The following GCAT variants were observed in gnomAD, a reference collection of about 807,000 sequenced individuals.
GCAT encodes 2-amino-3-ketobutyrate coenzyme A ligase, mitochondrial.
GCAT carries 26 observed loss-of-function variants against 39.7 expected under a neutral mutation model. The observed-to-expected ratio is 0.65, with a 90% CI of 0.48 to 0.91. The LOEUF (loss-of-function observed/expected upper bound fraction) is 0.91, where lower values mean the gene tolerates loss of function less well. Ranked by LOEUF, GCAT falls within the 40% of genes least tolerant of loss-of-function variation. GCAT has a pLI of 0.00. For missense variants in GCAT, 550 were observed against 576.2 expected (o/e 0.95, Z 0.47); for synonymous variants, 218 against 237.2 (o/e 0.92, Z 0.74).
At chr22:37,817,020 C>G (rs1036118497), downstream of GCAT, 1 of 301,566 alleles carries the variant, frequency 3.3e-6, no homozygotes, top group African/African-American at 2.1e-5. Context: ...GACCTCTTTC[C>G]CTAGATTAAG....
intron 7 of GCAT, 139 bp from the exon 8 acceptor site, chr22:37,816,061 C>A (rs739269): frequency 8.9e-7 from 1 of 1,129,490 alleles, no homozygotes; most frequent in Non-Finnish European, 1.2e-6. Flanking sequence ...CCTGGCTCCC[C>A]TCTGCCTCTT....
At chr22:37,813,310 CG>C in intron 3 of GCAT, 152 bp from the exon 4 acceptor site, 2 of 844,114 alleles carry the variant, frequency 2.4e-6, no homozygotes, top group Non-Finnish European at 4.0e-6. Context: ...CACTGAGACA[CG>C]GGGGCCCCAG....
At chr22:37,808,186 G>T (rs1286742401) in intron 1 of GCAT, 23 bp downstream of exon 1, 1 of 1,449,508 alleles carries the variant, frequency 6.9e-7, no homozygotes, top group South Asian at 1.4e-5. Context: ...TCCGGGAGTC[G>T]TTCCAAGACC....
intron 2 of GCAT, among the ~76,000 whole-genome samples, chr22:37,812,106 G>A (rs142787476): frequency 5.0e-4 from 76 of 151,854 alleles, no homozygotes; most frequent in African/African-American, 1.8e-3. Flanking sequence ...CAAAGCAGAA[G>A]GATCACTTGA....
Position 37,812,992 on chromosome 22 carries a change from T to C in GCAT, c.429+4T>C. 6.2e-7 allele frequency: 1 copy of C among 1,600,792 alleles called. No individual in the cohort carries two copies. Among genetic ancestry groups the C allele is most frequent in the Non-Finnish European group, 8.6e-7 (1 of 1,168,004 alleles). ...CGCCAACGCCGGCCTCTTTGAGGTGTGTGGAAGCTGTCCTGCGGGTGAGGG... is the reference window on the plus strand; with the variant it reads ...CGCCAACGCCGGCCTCTTTGAGGTGCGTGGAAGCTGTCCTGCGGGTGAGGG... On this transcript the variant is annotated splice_donor_region_variant and intron_variant, in intron 3 of 8. Coordinates refer to ENST00000248924, the MANE Select transcript of GCAT (RefSeq NM_014291.4).
At chr22:37,812,115 G>A (rs146600793) in intron 2 of GCAT, among the ~76,000 whole-genome samples, 32 of 151,654 alleles carry the variant, frequency 2.1e-4, no homozygotes, top group African/African-American at 7.3e-4. Context: ...AGGATCACTT[G>A]ATGCCTGGAG....
chr22:37,815,459 T>C lies in GCAT; in HGVS notation c.773T>C (p.Ile258Thr). 1.2e-6 allele frequency: 2 copies of C among 1,610,470 alleles called. No homozygotes were observed. The highest frequency in any genetic ancestry group is 1.7e-6 in the Non-Finnish European group (2 of 1,178,966). Residue 258 changes from isoleucine to threonine, a missense_variant, in exon 6 of 9, where the codon ATC (isoleucine) becomes ACC (threonine). Coordinates refer to ENST00000248924, the MANE Select transcript of GCAT (RefSeq NM_014291.4). ...ELLGVMDQVT[I>T]INSTLGKALG... ...CTGGGTGTGATGGACCAGGTCACCA[T>C]CATCAACTCCACCCTGGGGAAGGCC...
At chr22:37,808,590 T>A (rs1601691363) in intron 1 of GCAT, among the ~76,000 whole-genome samples, 1 of 152,236 alleles carries the variant, frequency 6.6e-6, no homozygotes, top group East Asian at 1.9e-4. Context: ...AGAGGACAGC[T>A]TGCTGGGTAA....
At chr22:37,816,985 C>T (rs1343997944), downstream of GCAT, 11 of 414,658 alleles carry the variant, frequency 2.7e-5, no homozygotes, top group African/African-American at 1.8e-4. Flanking sequence ...TGAGGGGAGG[C>T]GCCTGAGGAC....
At chr22:37,809,671 T>A (rs1485479895) in intron 1 of GCAT, among the ~76,000 whole-genome samples, 1 of 151,830 alleles carries the variant, frequency 6.6e-6, no homozygotes, top group Non-Finnish European at 1.5e-5. Flanking sequence ...AATAAAAAAA[T>A]TTAATCGGGC....
At chr22:37,815,343 G>A in intron 5 of GCAT, 63 bp downstream of exon 5, 6 of 1,597,610 alleles carry the variant, frequency 3.8e-6, no homozygotes, top group Non-Finnish European at 4.3e-6. Flanking sequence ...GAAACGAGGA[G>A]GCCAGTCCCC....
At position 37,816,577 on chromosome 22, in the gene GCAT, C is replaced by T. The variant is rs149775052; in HGVS notation, c.1119C>T (p.Val373=). Residue 373 remains valine, a synonymous_variant, in exon 9 of 9, where the codon GTC becomes GTT. Transcript: ENST00000248924. ...ADDMLKRGIF[V]IGFSYPVVPK... is the part of the protein sequence containing the mutation. ...TTTCTACCCTCCCAGGCATCTTTGTCATCGGGTTCAGCTACCCCGTGGTCC... is the reference window on the plus strand; with the variant it reads ...TTTCTACCCTCCCAGGCATCTTTGTTATCGGGTTCAGCTACCCCGTGGTCC... 1.2e-6 allele frequency: 2 copies of T among 1,614,072 alleles called. No homozygotes were observed. Among genetic ancestry groups the T allele is most frequent in the South Asian group, 1.1e-5 (1 of 91,082 alleles).
intron 7 of GCAT, 53 bp downstream of exon 7, chr22:37,815,887 G>A (rs954955164): frequency 8.1e-6 from 13 of 1,597,322 alleles, no homozygotes; most frequent in African/African-American, 1.3e-5. Flanking sequence ...GTGAGAGCCA[G>A]CCTCATGTGT....
At position 37,815,214 on chromosome 22, in the gene GCAT, C is replaced by T. The variant is rs1272575358; in HGVS notation, c.665C>T (p.Ser222Phe). ...CTGCAGGAGATCTGCTGCCTCGCCT[C>T]TAGATATGGTGCCCTGGTCTTCATG... ...APLQEICCLA[S>F]RYGALVFMDE... Residue 222 changes from serine to phenylalanine, a missense_variant, in exon 5 of 9, where the codon TCT (serine) becomes TTT (phenylalanine). By Grantham distance (155) the Ser-to-Phe change is radical. Transcript: ENST00000248924. 1.2e-6 allele frequency: 2 copies of T among 1,614,142 alleles called. No homozygotes were observed. The highest frequency in any genetic ancestry group is 2.2e-5 in the East Asian group (1 of 44,888).
rs990870215 is a variant in GCAT, at chr22:37,807,974, C to A, written c.7C>A (p.Pro3Thr). 1 of 1,532,974 alleles carries A rather than the reference C, an allele frequency of 6.5e-7. No individual in the cohort carries two copies. The highest frequency in any genetic ancestry group is 1.2e-5 in the South Asian group (1 of 83,474). The allele number at this position is 1,532,974 out of a possible 1,614,324, so 95.0% of individuals were successfully genotyped here. Residue 3 changes from proline to threonine, a missense_variant, in exon 1 of 9, where the codon CCT becomes ACT. Pro to Thr is a conservative substitution (Grantham distance 38, BLOSUM62 -1). Around this residue, in one of 3 missense-constraint regions of GCAT, gnomAD observed 154 missense variants for 141.9 expected, o/e 1.08. Transcript: ENST00000248924. The part of the protein sequence containing the change: MW[P>T]GNAWRAALFW... ...CTCGGGCGAGGTAGGAGCGATGTGG[C>A]CTGGGAACGCCTGGCGCGCCGCACT...
chr22:37,815,674 A>G lies in GCAT; in HGVS notation c.826A>G (p.Thr276Ala). ...ALGGASGGYT[T>A]GPGPLVSLLR... ...TCCCTTCTTCTCAGGGGGCTACACG[A>G]CAGGGCCTGGGCCCCTGGTGTCCCT... The change falls in exon 7 of 9, where the codon ACA becomes GCA. Residue 276 changes from threonine (T) to alanine (A), a missense_variant. By Grantham distance (58) the Thr-to-Ala change is moderately conservative (BLOSUM62 0). This residue lies in a region of GCAT where 378 missense variants were observed against 390.4 expected (regional missense o/e 0.97). Coordinates refer to ENST00000248924, the MANE Select transcript of GCAT (RefSeq NM_014291.4). 1.2e-6 allele frequency: 2 copies of G among 1,611,202 alleles called. No individual in the cohort carries two copies. The highest frequency in any genetic ancestry group is 1.7e-6 in the Non-Finnish European group (2 of 1,178,260).
chr22:37,813,644 C>A (rs142010059), intron 4 of GCAT, 35 bp downstream of exon 4: 16 of 1,559,704 alleles, frequency 1.0e-5, no homozygotes, highest in Non-Finnish European at 1.3e-5. Flanking sequence ...TCAGCCTCCG[C>A]CTGGGGAAGG....
At chr22:37,809,455 T>C (rs1210110477) in intron 1 of GCAT, among the ~76,000 whole-genome samples, 1 of 152,084 alleles carries the variant, frequency 6.6e-6, no homozygotes, top group African/African-American at 2.4e-5. Flanking sequence ...AAGGAGTCAG[T>C]GGTGGTCTTC....
At position 37,816,876 on chromosome 22, in the gene GCAT, A is replaced by G; in HGVS notation, c.*158A>G. On this transcript the variant is annotated 3_prime_UTR_variant, in exon 9 of 9. Coordinates refer to ENST00000248924, the MANE Select transcript of GCAT (RefSeq NM_014291.4). ...CTGAGGGCTGTGAGAATGTGAAACA[A>G]CAGTGTGAAAATTGGCTGTGACACT... 1 of 674,914 alleles carries G rather than the reference A, an allele frequency of 1.5e-6. No homozygotes were observed. The highest frequency in any genetic ancestry group is 2.5e-6 in the Non-Finnish European group (1 of 401,532). The allele number at this position is 674,914 out of a possible 1,614,324, so 41.8% of individuals were successfully genotyped here.
Sources: gnomAD v4.1 joint callset for allele counts (sites outside exome capture counted in the v4.1 genomes callset) on GRCh38, gnomAD v4.1.1 for gene constraint, gnomAD v4.1.1 regional missense constraint, MANE v1.5 for transcripts, NCBI Gene and HGNC (gene_info 2026-07-23, HGNC 2026-07-21) for gene names.